Variants in MALRD1 observed in about 807,000 individuals in gnomAD.
The protein encoded by MALRD1 is MAM and LDL-receptor class A domain-containing protein 1.
Under a neutral mutation model 242.1 loss-of-function variants are expected in MALRD1, and 247 were observed. That is an observed-to-expected ratio of 1.02 (90% confidence interval 0.92 to 1.13). The LOEUF is 1.13. Among genes scored for constraint, MALRD1 ranks in the 50% most tolerant of loss-of-function variants. The pLI is 0.00. For missense variants in MALRD1, 2,989 were observed against 2,533.1 expected (o/e 1.18, Z -3.86); for synonymous variants, 995 against 866.6 (o/e 1.15, Z -2.60).
rs148504309 is a variant in MALRD1, at chr10:19,255,225, G to A, written c.2992-2459G>A. On this transcript the variant is annotated intron_variant, in intron 18 of 39. Transcript: ENST00000454679. ...TCATTTAAACTAAACTGGATTTTCAGTTGCCCTTTGAGGCACTCCGTAAGG... is the reference window on the plus strand; with the variant it reads ...TCATTTAAACTAAACTGGATTTTCAATTGCCCTTTGAGGCACTCCGTAAGG... Among the ~76,000 whole-genome samples, 419 of 152,120 alleles carry A rather than the reference G, an allele frequency of 2.8e-3. 1 individual carries two copies. Among genetic ancestry groups the A allele is most frequent in the African/African-American group, 9.8e-3 (405 of 41,536 alleles).
At chr10:19,292,061 T>A (rs910300538) in intron 21 of MALRD1, among the ~76,000 whole-genome samples, 1 of 123,326 alleles carries the variant, frequency 8.1e-6, no homozygotes, top group African/African-American at 3.1e-5. Flanking sequence ...CCAGCCTGGA[T>A]GACAGAGCAA....
chr10:19,235,467 ATT>A (rs57856671), intron 18 of MALRD1, among the ~76,000 whole-genome samples: 15 of 148,614 alleles, frequency 1.0e-4, no homozygotes, highest in African/African-American at 3.5e-4. Context: ...TAATCGGGTT[ATT>A]TTTTTTTTCT....
chr10:19,645,869 A>G (rs1205709657), intron 36 of MALRD1, among the ~76,000 whole-genome samples: 3 of 152,176 alleles, frequency 2.0e-5, no homozygotes, highest in Non-Finnish European at 4.4e-5. Flanking sequence ...CCTAAAACTT[A>G]AAGTATAATA....
At chr10:19,302,451 T>A (rs1350099620) in intron 21 of MALRD1, among the ~76,000 whole-genome samples, 1 of 151,848 alleles carries the variant, frequency 6.6e-6, no homozygotes, top group Admixed American at 6.6e-5. Context: ...GCTATTCAGC[T>A]GTAAAATGGA....
intron 18 of MALRD1, among the ~76,000 whole-genome samples, chr10:19,245,203 A>G (rs1156440449): frequency 1.3e-5 from 2 of 152,194 alleles, no homozygotes; most frequent in Non-Finnish European, 2.9e-5. Flanking sequence ...TCACAATGAG[A>G]TGCAGCATTA....
At chr10:19,660,789 C>G (rs1375289996) in intron 36 of MALRD1, among the ~76,000 whole-genome samples, 1 of 152,136 alleles carries the variant, frequency 6.6e-6, no homozygotes, top group African/African-American at 2.4e-5. Context: ...AGCCATAGTT[C>G]TCATCGTTCC....
intron 36 of MALRD1, among the ~76,000 whole-genome samples, chr10:19,654,469 C>A (rs1490578574): frequency 6.6e-6 from 1 of 152,070 alleles, no homozygotes; most frequent in African/African-American, 2.4e-5. Context: ...GACAAATGAC[C>A]ATTATCAATA....
At chr10:19,536,738 C>T (rs1477823327) in intron 32 of MALRD1, among the ~76,000 whole-genome samples, 2 of 152,060 alleles carry the variant, frequency 1.3e-5, no homozygotes, top group Non-Finnish European at 2.9e-5. Flanking sequence ...ACATTAATTA[C>T]ATTAATTACA....
At chr10:19,332,266 A>G (rs1304749874) in intron 24 of MALRD1, among the ~76,000 whole-genome samples, 1 of 151,288 alleles carries the variant, frequency 6.6e-6, no homozygotes, top group East Asian at 1.9e-4. Flanking sequence ...GATGCATTTC[A>G]GAGGATTGTC....
intron 18 of MALRD1, among the ~76,000 whole-genome samples, chr10:19,252,360 G>T (rs1839330448): frequency 6.6e-6 from 1 of 152,036 alleles, no homozygotes; most frequent in Admixed American, 6.6e-5. Context: ...AGATAGTCAA[G>T]GATGGGGATG....
chr10:19,525,821 G>A lies in MALRD1; in HGVS notation c.5321-5373G>A, dbSNP rs545736146. ...GGTAGTATTTAATTAAAGTGTAATCGATTTTACAAAATTAATTGAATGCAT... is the reference window on the plus strand; with the variant it reads ...GGTAGTATTTAATTAAAGTGTAATCAATTTTACAAAATTAATTGAATGCAT... On this transcript the variant is annotated intron_variant, in intron 31 of 39. Coordinates refer to ENST00000454679, the MANE Select transcript of MALRD1 (RefSeq NM_001142308.3). Among the ~76,000 whole-genome samples, 80 of 152,188 alleles carry A rather than the reference G, an allele frequency of 5.3e-4. 1 individual carries two copies. Among genetic ancestry groups the A allele is most frequent in the Middle Eastern group, 3.4e-3 (1 of 294 alleles).
chr10:19,257,112 A>C (rs780909200), intron 18 of MALRD1, among the ~76,000 whole-genome samples: 1 of 152,076 alleles, frequency 6.6e-6, no homozygotes, highest in Non-Finnish European at 1.5e-5. Flanking sequence ...CAGCAGCACA[A>C]ATGTCATCTG....
Position 19,058,339 on chromosome 10 carries a change from G to A in MALRD1, c.200-8380G>A, listed in dbSNP as rs528345076. Among the ~76,000 whole-genome samples the A allele has an allele frequency of 2.0e-5, 3 of 152,228 alleles. No homozygotes were observed. In the South Asian group the frequency reaches 6.2e-4, roughly 32 times the overall value. On this transcript the variant is annotated intron_variant, in intron 1 of 39. Coordinates refer to ENST00000454679, the MANE Select transcript of MALRD1 (RefSeq NM_001142308.3). ...TGAAATACATTTCTTATTTGCTCCA[G>A]ACACCAAAAATTTCTAAAGATAAAA...
At chr10:19,382,589 A>G (rs1845885980) in intron 26 of MALRD1, among the ~76,000 whole-genome samples, 1 of 152,184 alleles carries the variant, frequency 6.6e-6, no homozygotes, top group African/African-American at 2.4e-5. Flanking sequence ...ATAGGACTGT[A>G]GAAGTAAATA....
At chr10:19,420,312 G>A (rs1183764780) in intron 28 of MALRD1, among the ~76,000 whole-genome samples, 1 of 152,116 alleles carries the variant, frequency 6.6e-6, no homozygotes, top group Non-Finnish European at 1.5e-5. Flanking sequence ...GAATGAGTCA[G>A]GGTGGAGCCG....
At chr10:19,169,730 A>G (rs984923248) in intron 13 of MALRD1, among the ~76,000 whole-genome samples, 1 of 152,226 alleles carries the variant, frequency 6.6e-6, no homozygotes, top group Non-Finnish European at 1.5e-5. Context: ...TGAAAAAGAT[A>G]TTCTACCTAC....
chr10:19,606,736 T>G (rs1426711378), intron 34 of MALRD1, among the ~76,000 whole-genome samples: 2 of 152,054 alleles, frequency 1.3e-5, no homozygotes, highest in Non-Finnish European at 2.9e-5. Context: ...GGATCAGGCC[T>G]GCAACCCCGG....
intron 21 of MALRD1, among the ~76,000 whole-genome samples, chr10:19,307,631 T>C (rs1295753977): frequency 6.6e-6 from 1 of 151,388 alleles, no homozygotes; most frequent in Non-Finnish European, 1.5e-5. Flanking sequence ...TTGAGGCAAA[T>C]TGGTAGTGAA....
chr10:19,127,510 G>A (rs768431511), intron 7 of MALRD1, among the ~76,000 whole-genome samples: 1 of 152,148 alleles, frequency 6.6e-6, no homozygotes, highest in Non-Finnish European at 1.5e-5. Context: ...AAACATCAGA[G>A]ACGTGCAGCA....
Sources: allele counts gnomAD v4.1 joint callset (sites outside exome capture counted in the v4.1 genomes callset), GRCh38; gene constraint gnomAD v4.1.1; transcripts MANE v1.5; gene names NCBI Gene and HGNC (gene_info 2026-07-23, HGNC 2026-07-21).